CXorf38: variants seen among roughly 807,000 people sequenced by gnomAD.
CXorf38 encodes chromosome X open reading frame 38, also known as uncharacterized protein CXorf38.
Under a neutral mutation model 27.5 loss-of-function variants are expected in CXorf38, and 13 were observed. The observed-to-expected ratio is 0.47, with a 90% confidence interval of 0.31 to 0.75. The LOEUF (loss-of-function observed/expected upper bound fraction) is 0.75. Among genes scored for constraint, CXorf38 ranks in the 30% least tolerant of loss-of-function variants. CXorf38 has a pLI of 0.05. For synonymous variants in CXorf38, 100 were observed against 99.8 expected (o/e 1.00, Z -0.01); for missense variants, 240 against 253.2 (o/e 0.95, Z 0.35).
intron 2 of CXorf38, chrX:40,640,181 T>A (rs1173854845): frequency 1.3e-5 from 4 of 307,945 alleles, no homozygotes; most frequent in East Asian, 1.0e-4. Context: ...AAAAAAAAAA[T>A]TAGCCATGCA....
chrX:40,644,455 G>A (rs1206528421), intron 2 of CXorf38, among the ~76,000 whole-genome samples: 1 of 111,982 alleles, frequency 8.9e-6, no homozygotes, highest in African/African-American at 3.3e-5. Context: ...CCATATCCAC[G>A]AGTTCCGCAT....
chrX:40,634,472 G>A (rs1927972804), intron 5 of CXorf38, among the ~76,000 whole-genome samples: 1 of 112,417 alleles, frequency 8.9e-6, no homozygotes, highest in Non-Finnish European at 1.9e-5. Flanking sequence ...CTGATCCCGG[G>A]ATGCACACTT....
chrX:40,635,633 C>T (rs1569270107), intron 5 of CXorf38, among the ~76,000 whole-genome samples: 1 of 112,641 alleles, frequency 8.9e-6, no homozygotes, highest in Non-Finnish European at 1.9e-5. Flanking sequence ...AGATTTGTTT[C>T]TCCTGTACTT....
intron 2 of CXorf38, among the ~76,000 whole-genome samples, chrX:40,641,166 A>G (rs1359941769): frequency 9.0e-6 from 1 of 110,790 alleles, no homozygotes; most frequent in Non-Finnish European, 1.9e-5. Context: ...GCAGTGAATC[A>G]AGATTGTGTA....
chrX:40,629,738 G>T lies in CXorf38; in HGVS notation c.*426C>A, dbSNP rs758898899. ...AGCGATTCTCCTGCCTCAGCCTCCC[G>T]AGTAGCTGGGATTACAGGCACATGC... On this transcript the variant is annotated 3_prime_UTR_variant, in exon 7 of 7. Coordinates refer to ENST00000327877, the MANE Select transcript of CXorf38 (RefSeq NM_144970.3). 9.0e-6 allele frequency: 1 copy of T among 111,343 alleles called. No individual in the cohort carries two copies. Among genetic ancestry groups the T allele is most frequent in the East Asian group, 2.8e-4 (1 of 3,565 alleles). The allele number at this position is 111,343 out of a possible 1,213,427, so 9.2% of individuals were successfully genotyped here. A position where few individuals can be genotyped will look rare whatever the true frequency, so the allele number is the denominator to read the frequency against.
chrX:40,643,407 T>C (rs1465457519), intron 2 of CXorf38, among the ~76,000 whole-genome samples: 12 of 112,223 alleles, frequency 1.1e-4, no homozygotes, highest in Non-Finnish European at 2.3e-4. Flanking sequence ...AGAAACCCCA[T>C]ACCCATTAGC....
chrX:40,647,309 C>T lies in CXorf38; in HGVS notation c.212G>A (p.Arg71His). Residue 71 changes from arginine (R) to histidine (H), a missense_variant, in exon 1 of 7, where the codon CGC becomes CAC. By Grantham distance (29) the Arg-to-His change is conservative. Coordinates refer to ENST00000327877, the MANE Select transcript of CXorf38 (RefSeq NM_144970.3). ...GGCCCCGAGCCAGGTGCTCACCTGG[C>T]GGGCGCGAGGGCTGCACCGTGAGCC... ...RGGSRCSPRA[R>H]QFQPQCQVCA... 1.6e-5 allele frequency: 17 copies of T among 1,087,382 alleles called. No homozygotes were observed. Among genetic ancestry groups the T allele is most frequent in the Non-Finnish European group, 1.9e-5 (16 of 842,275 alleles). 89.6% of individuals were successfully genotyped at this position (1,087,382 alleles called of 1,213,427 possible). A position where few individuals can be genotyped will look rare whatever the true frequency, so the allele number is the denominator to read the frequency against.
intron 5 of CXorf38, among the ~76,000 whole-genome samples, chrX:40,633,157 C>A (rs973975661): frequency 9.0e-6 from 1 of 110,997 alleles, no homozygotes; most frequent in African/African-American, 3.3e-5. Context: ...TACCAGTCTA[C>A]CTGCTTCTAT....
intron 2 of CXorf38, among the ~76,000 whole-genome samples, chrX:40,644,540 TA>T (rs995954099): frequency 6.2e-5 from 7 of 112,855 alleles, no homozygotes; most frequent in Admixed American, 4.7e-4. Context: ...CGAAATTTTT[TA>T]AAAATATAGC....
chrX:40,630,601 T>C lies in CXorf38; in HGVS notation c.*1+13A>G. 2 of 1,200,683 alleles carry C rather than the reference T, an allele frequency of 1.7e-6. No individual in the cohort carries two copies. Among genetic ancestry groups the C allele is most frequent in the Non-Finnish European group, 2.3e-6 (2 of 888,578 alleles). ...TCTGTCCTTCTTTAACACCATCATC[T>C]GCCTGAACTCACCTCAGGCCTTCCT... On this transcript the variant is annotated intron_variant, in intron 6 of 6. Coordinates refer to ENST00000327877, the MANE Select transcript of CXorf38 (RefSeq NM_144970.3).
Position 40,629,362 on chromosome X carries a change from C to T in CXorf38, c.*802G>A, listed in dbSNP as rs1184816746. ...GAAAATCACCTTTCAGGCAATGTTT[C>T]TTCTTGCTTTCCTCTAAAAAGGAAA... On this transcript the variant is annotated 3_prime_UTR_variant, in exon 7 of 7. Coordinates refer to ENST00000327877, the MANE Select transcript of CXorf38 (RefSeq NM_144970.3). The T allele has an allele frequency of 9.0e-6, 1 of 111,483 alleles. No individual in the cohort carries two copies. Among genetic ancestry groups the T allele is most frequent in the Non-Finnish European group, 1.9e-5 (1 of 53,074 alleles). The allele number at this position is 111,483 out of a possible 1,213,427, so 9.2% of individuals were successfully genotyped here. A position where few individuals can be genotyped will look rare whatever the true frequency, so the allele number is the denominator to read the frequency against.
At chrX:40,634,241 G>A (rs1927961199) in intron 5 of CXorf38, among the ~76,000 whole-genome samples, 1 of 110,955 alleles carries the variant, frequency 9.0e-6, no homozygotes, top group South Asian at 3.8e-4. Flanking sequence ...TTTTTGGCTG[G>A]TTGGTCTGTT....
At chrX:40,645,636 A>G (rs1222543888) in intron 2 of CXorf38, among the ~76,000 whole-genome samples, 1 of 110,596 alleles carries the variant, frequency 9.0e-6, no homozygotes. Flanking sequence ...CAATTTTTTA[A>G]GACAGGGTCT....
At chrX:40,646,310 A>T (rs1224022417) in intron 2 of CXorf38, among the ~76,000 whole-genome samples, 1 of 109,614 alleles carries the variant, frequency 9.1e-6, no homozygotes, top group African/African-American at 3.3e-5. Context: ...CAGCTGATCC[A>T]GGACTCAGAT....
intron 3 of CXorf38, 39 bp downstream of exon 3, chrX:40,638,970 A>C: frequency 8.3e-7 from 1 of 1,200,342 alleles, no homozygotes; most frequent in Non-Finnish European, 1.1e-6. Flanking sequence ...CACAGACCCA[A>C]CTGACTCAGG....
intron 1 of CXorf38, 58 bp from the exon 2 acceptor site, chrX:40,647,199 G>C: frequency 8.4e-7 from 1 of 1,193,541 alleles, no homozygotes; most frequent in Non-Finnish European, 1.1e-6. Context: ...GGTGGGCCCC[G>C]CATCGCGGAG....
intron 2 of CXorf38, 114 bp downstream of exon 2, chrX:40,646,893 A>C: frequency 1.2e-6 from 1 of 859,732 alleles, no homozygotes; most frequent in Non-Finnish European, 1.6e-6. Context: ...ACCCTTGATC[A>C]ATCTCTCTCT....
chrX:40,639,446 T>C (rs1293694105), intron 2 of CXorf38: 3 of 156,368 alleles, frequency 1.9e-5, no homozygotes, highest in Non-Finnish European at 3.6e-5. Flanking sequence ...TACTGAAATT[T>C]CAGTGGTTGA....
chrX:40,632,258 C>G (rs1259020334), intron 5 of CXorf38, among the ~76,000 whole-genome samples: 1 of 111,743 alleles, frequency 8.9e-6, no homozygotes, highest in Admixed American at 9.4e-5. Context: ...GGGTGCCCCT[C>G]CACTTGAGCG....
Sources: allele counts gnomAD v4.1 joint callset (sites outside exome capture counted in the v4.1 genomes callset), GRCh38; gene constraint gnomAD v4.1.1; transcripts MANE v1.5; gene names NCBI Gene and HGNC (gene_info 2026-07-23, HGNC 2026-07-21).